Variants in CDH18 observed in about 807,000 individuals in gnomAD.
CDH18 encodes cadherin 18.
In CDH18, 31 loss-of-function variants were observed where a neutral mutation model predicts 67.9. That is an observed-to-expected ratio of 0.46 (90% confidence interval 0.34 to 0.62). The LOEUF is 0.62. Ranked by LOEUF, CDH18 falls within the 20% of genes least tolerant of loss-of-function variation. The probability of loss-of-function intolerance (pLI) is 0.01; values close to 1 mark genes in which losing one functional copy is unlikely to be tolerated. For missense variants in CDH18, 890 were observed against 975.5 expected (o/e 0.91, Z 1.17); for synonymous variants, 362 against 347.2 (o/e 1.04, Z -0.48).
At chr5:20,418,284 G>A (rs1204794546) in intron 1 of CDH18, among the ~76,000 whole-genome samples, 1 of 42,840 alleles carries the variant, frequency 2.3e-5, no homozygotes, top group African/African-American at 9.0e-5. Context: ...CAGTAGAGAC[G>A]GGGTTTCCTC....
At chr5:19,760,411 C>T (rs1311432281) in intron 3 of CDH18, among the ~76,000 whole-genome samples, 1 of 152,120 alleles carries the variant, frequency 6.6e-6, no homozygotes, top group Non-Finnish European at 1.5e-5. Context: ...GGATCTCTTC[C>T]TCTACAACCA....
chr5:19,925,682 T>C (rs1225940369), intron 2 of CDH18, among the ~76,000 whole-genome samples: 4 of 152,046 alleles, frequency 2.6e-5, no homozygotes. Context: ...GAGACAAAGG[T>C]TCACCATCTT....
At chr5:20,495,806 A>G (rs1332412032) in intron 1 of CDH18, among the ~76,000 whole-genome samples, 1 of 146,600 alleles carries the variant, frequency 6.8e-6, no homozygotes, top group Admixed American at 6.7e-5. Flanking sequence ...GAACTCAGAA[A>G]ATAAAGTCAA....
At chr5:19,571,872 A>T (rs1397000850) in intron 7 of CDH18, 40 bp from the exon 8 acceptor site, 1 of 1,515,668 alleles carries the variant, frequency 6.6e-7, no homozygotes, top group South Asian at 1.2e-5. Flanking sequence ...TTTATAAAAA[A>T]AGTCATATTA....
At chr5:19,668,357 T>A (rs563625370) in intron 5 of CDH18, among the ~76,000 whole-genome samples, 22 of 136,778 alleles carry the variant, frequency 1.6e-4, no homozygotes, top group African/African-American at 5.6e-4. Context: ...TAATAGTCTA[T>A]TAGTTTCTAT....
chr5:19,557,621 A>T (rs1036597985), intron 8 of CDH18, among the ~76,000 whole-genome samples: 4 of 152,000 alleles, frequency 2.6e-5, no homozygotes, highest in African/African-American at 9.7e-5. Context: ...AACACTGCAG[A>T]TCCCAAATTT....
chr5:20,549,870 C>A (rs938419391), intron 1 of CDH18, among the ~76,000 whole-genome samples: 3 of 152,126 alleles, frequency 2.0e-5, no homozygotes, highest in Non-Finnish European at 4.4e-5. Flanking sequence ...ACGTGATAAA[C>A]TTCTTTTCAA....
intron 1 of CDH18, among the ~76,000 whole-genome samples, chr5:20,511,391 CATA>C (rs759325202): frequency 6.6e-6 from 1 of 152,026 alleles, no homozygotes; most frequent in Non-Finnish European, 1.5e-5. Flanking sequence ...CAGTCCTTCT[CATA>C]ATAAGATAAA....
At position 19,900,186 on chromosome 5, in the gene CDH18, ATGT is replaced by A. The variant is rs1789791411; in HGVS notation, c.-256-60947_-256-60945del. On this transcript the variant is annotated intron_variant, in intron 2 of 12. Coordinates refer to ENST00000382275, the MANE Select transcript of CDH18 (RefSeq NM_004934.5). ...ATCTCACTCAAATGTGAAACTGAAA[ATGT>A]TGTTCTCACAGATATAGAGAGTAGA... 2.0e-5 allele frequency among the ~76,000 whole-genome samples: 3 copies of A among 151,910 alleles called. 1 individual carries two copies. In the South Asian group the frequency reaches 6.3e-4, roughly 32 times the overall value.
At chr5:19,498,777 C>T (rs1742756542) in intron 11 of CDH18, among the ~76,000 whole-genome samples, 1 of 152,138 alleles carries the variant, frequency 6.6e-6, no homozygotes, top group African/African-American at 2.4e-5. Context: ...GCTACTCTTC[C>T]TCATATCTTA....
rs145766140 is a variant in CDH18 at position 19,722,280 on chromosome 5, C to T, written c.524-814G>A. 5.9e-3 allele frequency among the ~76,000 whole-genome samples: 902 copies of T among 151,978 alleles called. 9 individuals carry two copies. The highest frequency in any genetic ancestry group is 0.024 in the South Asian group (113 of 4,798). ...TGTTGGCCAGGTTGGTCTTGAACTC[C>T]TGATCTCTGGTGATCCGCCCCGCTC... On this transcript the variant is annotated intron_variant, in intron 4 of 12. Transcript: ENST00000382275.
chr5:20,074,383 TCAC>T (rs1743748131), intron 2 of CDH18, among the ~76,000 whole-genome samples: 1 of 152,144 alleles, frequency 6.6e-6, no homozygotes, highest in Non-Finnish European at 1.5e-5. Flanking sequence ...CTGATTTAGC[TCAC>T]TATTGACTAC....
At chr5:20,250,163 G>T (rs1361981349) in intron 2 of CDH18, among the ~76,000 whole-genome samples, 3 of 152,070 alleles carry the variant, frequency 2.0e-5, no homozygotes, top group Admixed American at 1.3e-4. Flanking sequence ...GACATGGTTA[G>T]GGCTTAATTT....
intron 2 of CDH18, among the ~76,000 whole-genome samples, chr5:20,159,985 C>T (rs558769113): frequency 1.8e-4 from 28 of 152,194 alleles, no homozygotes; most frequent in African/African-American, 6.5e-4. Context: ...AACAAATAAA[C>T]ACACACAAAA....
chr5:19,937,953 T>C (rs986155272), intron 2 of CDH18, among the ~76,000 whole-genome samples: 4 of 143,670 alleles, frequency 2.8e-5, no homozygotes, highest in Non-Finnish European at 6.0e-5. Context: ...CTTGAAAAAA[T>C]ATATTTGCTA....
intron 5 of CDH18, among the ~76,000 whole-genome samples, chr5:19,655,212 C>T (rs900217470): frequency 3.3e-5 from 5 of 152,238 alleles, no homozygotes; most frequent in Middle Eastern, 3.4e-3. Flanking sequence ...ATGCATACCA[C>T]ATCCTGCATA....
At chr5:19,531,994 C>T (rs930929971) in intron 9 of CDH18, among the ~76,000 whole-genome samples, 8 of 151,956 alleles carry the variant, frequency 5.3e-5, no homozygotes, top group African/African-American at 9.7e-5. Context: ...CTTTTGTGGA[C>T]GAAGGTTGTG....
intron 2 of CDH18, among the ~76,000 whole-genome samples, chr5:20,051,787 G>C (rs1038054582): frequency 6.6e-6 from 1 of 151,952 alleles, no homozygotes; most frequent in African/African-American, 2.4e-5. Context: ...ATAGATTCAG[G>C]AGTAATAAAA....
chr5:20,237,821 T>A (rs1418064979), intron 2 of CDH18, among the ~76,000 whole-genome samples: 2 of 151,958 alleles, frequency 1.3e-5, no homozygotes, highest in East Asian at 3.9e-4. Context: ...AAAATTCACA[T>A]GAAAATTTGA....
Sources: allele counts gnomAD v4.1 joint callset (sites outside exome capture counted in the v4.1 genomes callset), GRCh38; gene constraint gnomAD v4.1.1; transcripts MANE v1.5; gene names NCBI Gene and HGNC (gene_info 2026-07-23, HGNC 2026-07-21).